Variants in CLSTN2 observed in about 807,000 individuals in gnomAD.
CLSTN2 encodes calsyntenin 2, also known as calsyntenin-2.
CLSTN2 carries 48 observed loss-of-function variants against 101.2 expected under a neutral mutation model. The observed-to-expected ratio is 0.47, with a 90% CI of 0.38 to 0.60. The LOEUF is 0.60. Ranked by LOEUF, CLSTN2 falls within the 20% of genes least tolerant of loss-of-function variation. CLSTN2 has a pLI of 0.00. For missense variants in CLSTN2, 1,160 were observed against 1,238.2 expected (o/e 0.94, Z 0.95); for synonymous variants, 481 against 463.6 (o/e 1.04, Z -0.48).
intron 9 of CLSTN2, among the ~76,000 whole-genome samples, chr3:140,535,398 T>C (rs1935338279): frequency 1.3e-5 from 2 of 152,252 alleles, no homozygotes; most frequent in African/African-American, 2.4e-5. Flanking sequence ...AAATAGCTGC[T>C]CTACTATTGT....
Position 140,404,698 on chromosome 3 carries a change from C to A in CLSTN2, c.569C>A (p.Pro190Gln), listed in dbSNP as rs1351901522. The A allele has an allele frequency of 2.5e-6, 4 of 1,614,084 alleles. No homozygotes were observed. The African/African-American group carries it at 5.3e-5, about 22-fold the overall frequency. ...QVEAIDEDCS[P>Q]QYSQICNYEI... is the part of the protein sequence containing the mutation. ...GAGGCCATTGACGAGGACTGCTCCC[C>A]ACAGTACAGCCAGATCTGCAACTAT... The change falls in exon 4 of 17, where the codon CCA becomes CAA. Residue 190 changes from proline (P) to glutamine (Q), a missense_variant. Coordinates refer to ENST00000458420, the MANE Select transcript of CLSTN2 (RefSeq NM_022131.3).
At chr3:140,533,152 G>A (rs928045484) in intron 9 of CLSTN2, among the ~76,000 whole-genome samples, 1 of 152,148 alleles carries the variant, frequency 6.6e-6, no homozygotes, top group Non-Finnish European at 1.5e-5. Context: ...TTGGGATCAG[G>A]AAACCCGGCT....
rs1215225706 is a variant in CLSTN2 at position 140,571,810 on chromosome 3, T to C, written c.*5557T>C. 5.9e-5 allele frequency: 9 copies of C among 152,216 alleles called. No individual in the cohort carries two copies. Among genetic ancestry groups the C allele is most frequent in the Admixed American group, 5.9e-4 (9 of 15,284 alleles). The allele number at this position is 152,216 out of a possible 1,614,324, so 9.4% of individuals were successfully genotyped here. Reference sequence around the variant, plus strand: ...AGGAGAGTTGGCTTTACAGGGGCTGTGGATTAAGAGCCAGGCTTCATTCCA... The same window carrying C: ...AGGAGAGTTGGCTTTACAGGGGCTGCGGATTAAGAGCCAGGCTTCATTCCA... On this transcript the variant is annotated 3_prime_UTR_variant, in exon 17 of 17. Transcript: ENST00000458420.
At chr3:140,293,541 A>G (rs1376699099) in intron 2 of CLSTN2, among the ~76,000 whole-genome samples, 4 of 152,206 alleles carry the variant, frequency 2.6e-5, no homozygotes, top group Non-Finnish European at 4.4e-5. Flanking sequence ...CATGATGATC[A>G]TGATGGCCTA....
rs539365540 is a variant in CLSTN2, at chr3:140,114,852, C to A, written c.110-61099C>A. On this transcript the variant is annotated intron_variant, in intron 1 of 16. Transcript: ENST00000458420. ...GACCTTCACCTCTGCCCCCTCCCCCCATTTCTCCATTGTTAACATGGTTAA... is the reference window on the plus strand; with the variant it reads ...GACCTTCACCTCTGCCCCCTCCCCCAATTTCTCCATTGTTAACATGGTTAA... Among the ~76,000 whole-genome samples the A allele has an allele frequency of 3.5e-3, 526 of 152,266 alleles. 3 individuals are homozygous for A. The highest frequency in any genetic ancestry group is 5.1e-3 in the Non-Finnish European group (348 of 68,018).
intron 9 of CLSTN2, among the ~76,000 whole-genome samples, chr3:140,544,042 G>A (rs1275556376): frequency 6.6e-6 from 1 of 152,188 alleles, no homozygotes; most frequent in African/African-American, 2.4e-5. Flanking sequence ...GGAGTGAGAT[G>A]GATATTGGAA....
chr3:140,078,039 G>A (rs1056970822), intron 1 of CLSTN2, among the ~76,000 whole-genome samples: 8 of 152,110 alleles, frequency 5.3e-5, no homozygotes, highest in East Asian at 1.9e-4. Flanking sequence ...TGGGTAACAC[G>A]GTGGATGAGG....
intron 12 of CLSTN2, among the ~76,000 whole-genome samples, chr3:140,561,043 A>AAACTT (rs1293254819): frequency 3.6e-4 from 55 of 151,952 alleles, no homozygotes; most frequent in Non-Finnish European, 7.1e-4. Context: ...TATCATTTAA[A>AAACTT]AACTTAAAAG....
intron 1 of CLSTN2, among the ~76,000 whole-genome samples, chr3:140,050,399 T>C (rs571038571): frequency 7.7e-4 from 117 of 152,268 alleles, no homozygotes; most frequent in South Asian, 1.7e-3. Context: ...AGTTCAGAGA[T>C]GTAGCAATGT....
intron 2 of CLSTN2, among the ~76,000 whole-genome samples, chr3:140,364,534 A>G (rs1310162159): frequency 1.3e-5 from 2 of 152,154 alleles, no homozygotes; most frequent in East Asian, 3.9e-4. Flanking sequence ...AGCAGTGAGG[A>G]GCAAGGGTAC....
At chr3:140,006,328 A>T (rs1385299494) in intron 1 of CLSTN2, among the ~76,000 whole-genome samples, 1 of 152,250 alleles carries the variant, frequency 6.6e-6, no homozygotes, top group Non-Finnish European at 1.5e-5. Context: ...CCTCCCACAA[A>T]TCTAAAATAA....
chr3:140,559,792 C>T (rs1935872875), intron 12 of CLSTN2, among the ~76,000 whole-genome samples: 2 of 152,132 alleles, frequency 1.3e-5, no homozygotes, highest in African/African-American at 2.4e-5. Context: ...TATAATAATC[C>T]TAATTACCTA....
At chr3:140,077,895 AT>A (rs2008519655) in intron 1 of CLSTN2, among the ~76,000 whole-genome samples, 1 of 152,134 alleles carries the variant, frequency 6.6e-6, no homozygotes, top group Non-Finnish European at 1.5e-5. Context: ...CTCTCCTGGA[AT>A]CCAAACCAGA....
intron 10 of CLSTN2, among the ~76,000 whole-genome samples, chr3:140,550,846 T>C (rs889526658): frequency 6.7e-6 from 1 of 149,176 alleles, no homozygotes; most frequent in Non-Finnish European, 1.5e-5. Flanking sequence ...CCAAGCTTGG[T>C]TATAAAGGCT....
intron 8 of CLSTN2, among the ~76,000 whole-genome samples, chr3:140,501,803 A>C (rs1265318839): frequency 1.3e-5 from 2 of 152,188 alleles, no homozygotes; most frequent in Non-Finnish European, 2.9e-5. Context: ...TCAAACTTTA[A>C]TGTGCATGTT....
At chr3:140,422,942 TG>T (rs1163506230) in intron 5 of CLSTN2, among the ~76,000 whole-genome samples, 1 of 152,250 alleles carries the variant, frequency 6.6e-6, no homozygotes, top group Non-Finnish European at 1.5e-5. Flanking sequence ...CACCTTGTTT[TG>T]TTTTTAACTC....
chr3:140,320,616 G>A (rs192066805), intron 2 of CLSTN2, among the ~76,000 whole-genome samples: 3 of 148,412 alleles, frequency 2.0e-5, no homozygotes, highest in Non-Finnish European at 4.4e-5. Context: ...TTTTGCGGGG[G>A]GGGGCAGGGG....
intron 1 of CLSTN2, among the ~76,000 whole-genome samples, chr3:140,128,249 A>T (rs746049303): frequency 2.7e-4 from 41 of 152,216 alleles, no homozygotes; most frequent in Non-Finnish European, 5.3e-4. Context: ...AAAAGGAAAA[A>T]ATAAGACCAG....
At chr3:140,176,717 A>G (rs2010331069) in intron 2 of CLSTN2, among the ~76,000 whole-genome samples, 1 of 152,196 alleles carries the variant, frequency 6.6e-6, no homozygotes, top group Non-Finnish European at 1.5e-5. Flanking sequence ...GCTTCCATGG[A>G]TTTTGGCAAA....
Sources: gnomAD v4.1 joint callset for allele counts (sites outside exome capture counted in the v4.1 genomes callset) on GRCh38, gnomAD v4.1.1 for gene constraint, MANE v1.5 for transcripts, NCBI Gene and HGNC (gene_info 2026-07-23, HGNC 2026-07-21) for gene names.